MACROD2: variants seen among roughly 807,000 people sequenced by gnomAD.
The protein encoded by MACROD2 is mono-ADP ribosylhydrolase 2, also known as ADP-ribose glycohydrolase MACROD2.
A neutral mutation model predicts 70.4 loss-of-function variants in MACROD2; 36 were observed. That is an observed-to-expected ratio of 0.51 (90% CI 0.39 to 0.68). The LOEUF (loss-of-function observed/expected upper bound fraction) is 0.68, where lower values mean the gene tolerates loss of function less well. Among genes scored for constraint, MACROD2 ranks in the 30% least tolerant of loss-of-function variants. The probability of loss-of-function intolerance (pLI) is 0.00; values close to 1 mark genes in which losing one functional copy is unlikely to be tolerated. For synonymous variants in MACROD2, 172 were observed against 178.8 expected (o/e 0.96, Z 0.30); for missense variants, 496 against 538.4 (o/e 0.92, Z 0.78).
At chr20:14,061,977 G>A (rs1480754042) in intron 2 of MACROD2, among the ~76,000 whole-genome samples, 2 of 152,118 alleles carry the variant, frequency 1.3e-5, no homozygotes, top group Non-Finnish European at 2.9e-5. Context: ...TGTTCCAAGA[G>A]CTTTGCTTGG....
intron 3 of MACROD2, among the ~76,000 whole-genome samples, chr20:14,368,161 A>C (rs1453304080): frequency 1.3e-5 from 2 of 152,194 alleles, no homozygotes; most frequent in Non-Finnish European, 1.5e-5. Context: ...CATTAAGTCC[A>C]AAGTGTATGC....
intron 8 of MACROD2, among the ~76,000 whole-genome samples, chr20:15,772,252 T>A (rs1373143665): frequency 6.6e-6 from 1 of 151,470 alleles, no homozygotes; most frequent in East Asian, 1.9e-4. Context: ...GTACCTATGA[T>A]GTTACAATGT....
chr20:14,562,551 A>T (rs1007330987), intron 4 of MACROD2, among the ~76,000 whole-genome samples: 34 of 152,012 alleles, frequency 2.2e-4, no homozygotes, highest in African/African-American at 7.5e-4. Flanking sequence ...AGGGATAGCA[A>T]CTGTAGTTGG....
At chr20:14,914,681 C>A (rs2074069285) in intron 5 of MACROD2, among the ~76,000 whole-genome samples, 1 of 152,100 alleles carries the variant, frequency 6.6e-6, no homozygotes, top group Admixed American at 6.5e-5. Flanking sequence ...AAGAATTTAT[C>A]TATAAAAATA....
intron 10 of MACROD2, among the ~76,000 whole-genome samples, chr20:15,908,798 C>T (rs1459645286): frequency 6.6e-6 from 1 of 152,180 alleles, no homozygotes. Flanking sequence ...TGTTTGGATA[C>T]TAAGCCAAGC....
At chr20:14,917,392 T>G (rs1053691383) in intron 5 of MACROD2, among the ~76,000 whole-genome samples, 1 of 152,042 alleles carries the variant, frequency 6.6e-6, no homozygotes, top group Non-Finnish European at 1.5e-5. Flanking sequence ...GTGGGTCCCA[T>G]AGGAAGAAGT....
At chr20:15,171,706 A>G (rs2076423977) in intron 5 of MACROD2, among the ~76,000 whole-genome samples, 2 of 152,138 alleles carry the variant, frequency 1.3e-5, no homozygotes, top group African/African-American at 4.8e-5. Flanking sequence ...ACTTTCTTTG[A>G]AAACACTTTA....
At chr20:15,504,475 AC>A (rs1568854126) in intron 8 of MACROD2, among the ~76,000 whole-genome samples, 1 of 152,262 alleles carries the variant, frequency 6.6e-6, no homozygotes, top group African/African-American at 2.4e-5. Flanking sequence ...TCTTAAAAAA[AC>A]AAAAAAGAAT....
intron 4 of MACROD2, among the ~76,000 whole-genome samples, chr20:14,681,614 A>C (rs1010429709): frequency 1.4e-4 from 22 of 152,270 alleles, no homozygotes; most frequent in East Asian, 7.7e-4. Flanking sequence ...GAAAGGGCAC[A>C]AGGTAGCTTT....
At position 14,165,504 on chromosome 20, in the gene MACROD2, C is replaced by T. The variant is rs377189084; in HGVS notation, c.271+79776C>T. ...TATTTTAAGTGTGATTAACTACTTGCTATTTGGGTTCTTCTTTGTGGAAGA... is the reference window on the plus strand; with the variant it reads ...TATTTTAAGTGTGATTAACTACTTGTTATTTGGGTTCTTCTTTGTGGAAGA... On this transcript the variant is annotated intron_variant, in intron 3 of 17. Transcript: ENST00000684519. Among the ~76,000 whole-genome samples the T allele has an allele frequency of 7.2e-5, 11 of 152,246 alleles. No homozygotes were observed. The South Asian group carries it at 1.9e-3, about 26-fold the overall frequency.
At chr20:15,629,045 C>T (rs1025371477) in intron 8 of MACROD2, among the ~76,000 whole-genome samples, 1 of 152,102 alleles carries the variant, frequency 6.6e-6, no homozygotes, top group Non-Finnish European at 1.5e-5. Context: ...CCAGTTTGAG[C>T]TTTAATGAAT....
chr20:15,484,823 G>A (rs569330382), intron 7 of MACROD2, among the ~76,000 whole-genome samples: 14 of 152,192 alleles, frequency 9.2e-5, no homozygotes, highest in South Asian at 6.2e-4. Flanking sequence ...CTAGTAATCC[G>A]TCAGTTAGAG....
chr20:14,738,426 TATCTGAAACCAAAAA>T (rs2071693579), intron 5 of MACROD2, among the ~76,000 whole-genome samples: 1 of 152,086 alleles, frequency 6.6e-6, no homozygotes, highest in Admixed American at 6.6e-5. Flanking sequence ...TCTCCTACCC[TATCTGAAACCAAAAA>T]AGGTAAAATG....
intron 5 of MACROD2, among the ~76,000 whole-genome samples, chr20:14,913,017 C>T (rs555468580): frequency 1.7e-4 from 26 of 152,144 alleles, no homozygotes; most frequent in African/African-American, 6.0e-4. Flanking sequence ...TTCTATAGCC[C>T]TGTTCAGTTA....
chr20:14,254,587 A>G (rs1346765142), intron 3 of MACROD2, among the ~76,000 whole-genome samples: 2 of 152,118 alleles, frequency 1.3e-5, no homozygotes, highest in Non-Finnish European at 2.9e-5. Context: ...TCTAAAAGAA[A>G]TTCAGCTAGT....
At chr20:15,928,570 G>A (rs545593399) in intron 10 of MACROD2, among the ~76,000 whole-genome samples, 1 of 152,282 alleles carries the variant, frequency 6.6e-6, no homozygotes, top group East Asian at 1.9e-4. Context: ...GCTAGCTGTG[G>A]AATCTTAACA....
chr20:15,286,822 C>G (rs755039974), intron 6 of MACROD2, among the ~76,000 whole-genome samples: 1 of 152,154 alleles, frequency 6.6e-6, no homozygotes, highest in Non-Finnish European at 1.5e-5. Context: ...TCACATCCCT[C>G]AGAAGCTAGT....
chr20:15,660,535 C>T (rs2049805465), intron 8 of MACROD2, among the ~76,000 whole-genome samples: 1 of 152,118 alleles, frequency 6.6e-6, no homozygotes. Context: ...AATCATATGC[C>T]ATATTTCAGG....
intron 8 of MACROD2, among the ~76,000 whole-genome samples, chr20:15,851,155 A>G (rs992054706): frequency 1.3e-5 from 2 of 151,912 alleles, no homozygotes; most frequent in East Asian, 3.9e-4. Flanking sequence ...GCAAGTAGGA[A>G]GTTTATCGGA....
Sources: gnomAD v4.1 joint callset for allele counts (sites outside exome capture counted in the v4.1 genomes callset) on GRCh38, gnomAD v4.1.1 for gene constraint, MANE v1.5 for transcripts, NCBI Gene and HGNC (gene_info 2026-07-23, HGNC 2026-07-21) for gene names.